MVB12B: variants seen among roughly 807,000 people sequenced by gnomAD.
MVB12B encodes ESCRT-I complex subunit MVB12B.
A neutral mutation model predicts 41.6 loss-of-function variants in MVB12B; 16 were observed. The observed-to-expected ratio is 0.38, with a 90% CI of 0.26 to 0.58. The LOEUF is 0.58. Ranked by LOEUF, MVB12B falls within the 20% of genes least tolerant of loss-of-function variation. The pLI, the probability that MVB12B is intolerant of heterozygous loss-of-function variation, is 0.62. For missense variants in MVB12B, 274 were observed against 380.2 expected, an observed-to-expected ratio of 0.72 and a Z score of 2.32; for synonymous variants, 133 against 139.7, an observed-to-expected ratio of 0.95 and a Z score of 0.34.
chr9:126,452,186 C>T (rs773859127), intron 7 of MVB12B, among the ~76,000 whole-genome samples: 2 of 152,244 alleles, frequency 1.3e-5, no homozygotes, highest in Non-Finnish European at 2.9e-5. Flanking sequence ...TGCAGGCACG[C>T]GCAACCAGGG....
chr9:126,437,240 G>T (rs1204416051), intron 7 of MVB12B, among the ~76,000 whole-genome samples: 1 of 152,138 alleles, frequency 6.6e-6, no homozygotes, highest in Non-Finnish European at 1.5e-5. Context: ...AAGCTGCTAT[G>T]TAGTTCGGAT....
chr9:126,435,904 G>T (rs1344925063), intron 7 of MVB12B, among the ~76,000 whole-genome samples: 1 of 152,226 alleles, frequency 6.6e-6, no homozygotes, highest in African/African-American at 2.4e-5. Flanking sequence ...GATGCGGGGG[G>T]ACTGCTTGTT....
intron 9 of MVB12B, among the ~76,000 whole-genome samples, chr9:126,497,633 TC>T (rs1833866283): frequency 6.6e-6 from 1 of 150,820 alleles, no homozygotes; most frequent in South Asian, 2.1e-4. Flanking sequence ...CCACCTCATC[TC>T]CGGGGCATGA....
At chr9:126,456,993 G>A (rs573241347) in intron 7 of MVB12B, among the ~76,000 whole-genome samples, 7 of 152,244 alleles carry the variant, frequency 4.6e-5, no homozygotes, top group South Asian at 2.1e-4. Context: ...CTCACCCCAC[G>A]AGTTTAACCA....
chr9:126,491,275 C>G (rs1350675459), intron 9 of MVB12B, among the ~76,000 whole-genome samples: 1 of 152,214 alleles, frequency 6.6e-6, no homozygotes, highest in Non-Finnish European at 1.5e-5. Context: ...GATTTGGGAC[C>G]TATGTCCCGC....
chr9:126,455,046 A>G (rs765949583), intron 7 of MVB12B, among the ~76,000 whole-genome samples: 34 of 152,140 alleles, frequency 2.2e-4, no homozygotes, highest in Non-Finnish European at 2.5e-4. Flanking sequence ...TGGCAGGGCT[A>G]CCTGGGCCAA....
intron 9 of MVB12B, among the ~76,000 whole-genome samples, chr9:126,497,214 ACCAGCGGGG>A (rs769348150): frequency 2.0e-4 from 30 of 152,102 alleles, no homozygotes; most frequent in Non-Finnish European, 3.4e-4. Context: ...ACCACATGGA[ACCAGCGGGG>A]CCCTTATTGC....
At chr9:126,454,000 C>T (rs1832932373) in intron 7 of MVB12B, among the ~76,000 whole-genome samples, 2 of 152,160 alleles carry the variant, frequency 1.3e-5, no homozygotes, top group South Asian at 2.1e-4. Context: ...GAAACAGACG[C>T]GGTAAAGCAG....
intron 9 of MVB12B, among the ~76,000 whole-genome samples, chr9:126,485,609 G>GT (rs1833603321): frequency 9.1e-6 from 1 of 109,702 alleles, no homozygotes; most frequent in Non-Finnish European, 1.9e-5. Flanking sequence ...TACTTCCACT[G>GT]TGCTTCATGA....
At chr9:126,483,575 G>T (rs1196628210) in intron 8 of MVB12B, among the ~76,000 whole-genome samples, 4 of 152,122 alleles carry the variant, frequency 2.6e-5, no homozygotes, top group Non-Finnish European at 5.9e-5. Flanking sequence ...TCCGGGGAGA[G>T]CTTGGGCACC....
At chr9:126,401,954 A>C (rs1831280631) in intron 6 of MVB12B, among the ~76,000 whole-genome samples, 1 of 152,154 alleles carries the variant, frequency 6.6e-6, no homozygotes, top group South Asian at 2.1e-4. Context: ...ATGACATGTC[A>C]CCTGTCCTGT....
chr9:126,362,940 A>G (rs1830064847), intron 2 of MVB12B, among the ~76,000 whole-genome samples: 1 of 152,200 alleles, frequency 6.6e-6, no homozygotes, highest in Non-Finnish European at 1.5e-5. Context: ...TAATCCCAGC[A>G]CTTTGGGAAG....
At chr9:126,502,402 C>T (rs946335918) in intron 9 of MVB12B, among the ~76,000 whole-genome samples, 1 of 152,142 alleles carries the variant, frequency 6.6e-6, no homozygotes, top group Non-Finnish European at 1.5e-5. Context: ...GTACTTAACC[C>T]CTTCTCTAAA....
At chr9:126,344,203 C>A (rs1414474825) in intron 2 of MVB12B, among the ~76,000 whole-genome samples, 1 of 152,222 alleles carries the variant, frequency 6.6e-6, no homozygotes, top group East Asian at 1.9e-4. Flanking sequence ...GCAAAACACA[C>A]ACAGCTCCTG....
intron 7 of MVB12B, among the ~76,000 whole-genome samples, chr9:126,466,594 C>G (rs985791478): frequency 6.6e-6 from 1 of 152,120 alleles, no homozygotes; most frequent in Non-Finnish European, 1.5e-5. Context: ...CAGACCGCAC[C>G]AAAGAAGACT....
At chr9:126,338,805 C>T (rs1334752388) in intron 1 of MVB12B, among the ~76,000 whole-genome samples, 2 of 152,188 alleles carry the variant, frequency 1.3e-5, no homozygotes, top group African/African-American at 4.8e-5. Flanking sequence ...TGCTCTGGAT[C>T]TGCAGGTGCA....
chr9:126,411,464 C>G lies in MVB12B; in HGVS notation c.663-10390C>G, dbSNP rs547383037. On this transcript the variant is annotated intron_variant, in intron 6 of 9. Coordinates refer to ENST00000361171, the MANE Select transcript of MVB12B (RefSeq NM_033446.3). ...TCCTAATTATAGCGGCCTTGTGTGCCTGTTGATACTGGTCCAGCTCCCCTG... is the reference window on the plus strand; with the variant it reads ...TCCTAATTATAGCGGCCTTGTGTGCGTGTTGATACTGGTCCAGCTCCCCTG... Among the ~76,000 whole-genome samples, 5 of 152,266 alleles carry G rather than the reference C, an allele frequency of 3.3e-5. No individual in the cohort carries two copies. The South Asian group carries it at 8.3e-4, about 25-fold the overall frequency.
Position 126,381,065 on chromosome 9 carries a change from T to C in MVB12B, c.206T>C (p.Val69Ala). 2.5e-6 allele frequency: 4 copies of C among 1,613,734 alleles called. No homozygotes were observed. Among genetic ancestry groups the C allele is most frequent in the South Asian group, 1.1e-5 (1 of 91,072 alleles). The change falls in exon 3 of 10, where the codon GTT becomes GCT. Residue 69 changes from valine to alanine, a missense_variant and splice_region_variant. Val to Ala is a moderately conservative substitution (Grantham distance 64, BLOSUM62 0). Coordinates refer to ENST00000361171, the MANE Select transcript of MVB12B (RefSeq NM_033446.3). ...RNRAPTGYDV[V>A]AQTADGVDAD... ...CTTTTCTCTGTCTCTCCGGTGTAGG[T>C]TGCACAGACAGCAGATGGTGTGGAT...
chr9:126,358,258 A>G (rs1488382350), intron 2 of MVB12B, among the ~76,000 whole-genome samples: 2 of 151,950 alleles, frequency 1.3e-5, no homozygotes, highest in African/African-American at 2.4e-5. Flanking sequence ...TTTTAACTTT[A>G]TTCTTTTTCA....
Sources: gnomAD v4.1 joint callset for allele counts (sites outside exome capture counted in the v4.1 genomes callset) on GRCh38, gnomAD v4.1.1 for gene constraint, MANE v1.5 for transcripts, NCBI Gene and HGNC (gene_info 2026-07-23, HGNC 2026-07-21) for gene names.